Variants in LRCH3 observed in about 807,000 individuals in gnomAD.
LRCH3 encodes leucine rich repeats and calponin homology domain containing 3, also known as DISP complex protein LRCH3.
LRCH3 carries 68 observed loss-of-function variants against 104.5 expected under a neutral mutation model. The observed-to-expected ratio is 0.65, with a 90% CI of 0.54 to 0.80. LRCH3 has a LOEUF of 0.80. Ranked by LOEUF, LRCH3 falls within the 30% of genes least tolerant of loss-of-function variation. LRCH3 has a pLI of 0.00. For missense variants in LRCH3, 951 were observed against 953.9 expected, an observed-to-expected ratio of 1.00 and a Z score of 0.04; for synonymous variants, 344 against 361.3, an observed-to-expected ratio of 0.95 and a Z score of 0.54.
chr3:197,875,722 A>G lies in LRCH3; in HGVS notation c.2155A>G (p.Arg719Gly), dbSNP rs1336850800. The change falls in exon 20 of 21, where the codon AGG becomes GGG. Residue 719 changes from arginine (R) to glycine (G), a missense_variant. By Grantham distance (125) the Arg-to-Gly change is moderately radical (BLOSUM62 -2). Coordinates refer to ENST00000425562, the MANE Select transcript of LRCH3 (RefSeq NM_001365715.1). ...GCCTAAATTAACAATGGCGAAATGC[A>G]GGCGAAATGTGGAAAATTTCCTAGA... Reference protein sequence around the residue: ...AVPKLTMAKCRRNVENFLEAC... With the variant: ...AVPKLTMAKCGRNVENFLEAC... 1 of 1,534,654 alleles carries G rather than the reference A, an allele frequency of 6.5e-7. No individual in the cohort carries two copies. Among genetic ancestry groups the G allele is most frequent in the Non-Finnish European group, 8.7e-7 (1 of 1,146,616 alleles).
chr3:197,876,680 G>A (rs2109551893), intron 20 of LRCH3, among the ~76,000 whole-genome samples: 1 of 152,264 alleles, frequency 6.6e-6, no homozygotes, highest in Non-Finnish European at 1.5e-5. Context: ...AGCCTGCAAG[G>A]AGGAAAACAT....
At chr3:197,867,710 C>T (rs1711518463) in intron 17 of LRCH3, among the ~76,000 whole-genome samples, 1 of 151,932 alleles carries the variant, frequency 6.6e-6, no homozygotes, top group African/African-American at 2.4e-5. Context: ...AAAAAATTAG[C>T]CAGGCATGGT....
At chr3:197,838,166 T>C (rs1052265811) in intron 9 of LRCH3, among the ~76,000 whole-genome samples, 2 of 151,806 alleles carry the variant, frequency 1.3e-5, no homozygotes, top group Admixed American at 6.6e-5. Flanking sequence ...CTTCCTGTAG[T>C]CTCAGCCACT....
At position 197,846,397 on chromosome 3, in the gene LRCH3, A is replaced by C. The variant is rs896727535; in HGVS notation, c.1329-1012A>C. On this transcript the variant is annotated intron_variant, in intron 10 of 20. Coordinates refer to ENST00000425562, the MANE Select transcript of LRCH3 (RefSeq NM_001365715.1). ...CCACCTTGGGCCACAAAAAAAAAAA[A>C]AAACAAAAAAAAAACGGCTGGGCGC... Among the ~76,000 whole-genome samples the C allele has an allele frequency of 1.7e-4, 26 of 149,706 alleles. No individual in the cohort carries two copies. The South Asian group carries it at 2.1e-3, about 12-fold the overall frequency.
chr3:197,802,999 T>C (rs1338425318), intron 1 of LRCH3, among the ~76,000 whole-genome samples: 2 of 152,188 alleles, frequency 1.3e-5, no homozygotes, highest in South Asian at 2.1e-4. Flanking sequence ...TTCAGAACTT[T>C]TAAAATTGGT....
chr3:197,830,835 G>A lies in LRCH3; in HGVS notation c.953G>A (p.Ser318Asn), dbSNP rs1307614506. 1.2e-6 allele frequency: 2 copies of A among 1,613,930 alleles called. No individual in the cohort carries two copies. Among genetic ancestry groups the A allele is most frequent in the Non-Finnish European group, 1.7e-6 (2 of 1,179,938 alleles). Reference sequence around the variant, plus strand: ...GATTCAGGCTTCAATAGTGTGGACAGTGGTGATAAGAGATGGTCAGGGAAT... The same window carrying A: ...GATTCAGGCTTCAATAGTGTGGACAATGGTGATAAGAGATGGTCAGGGAAT... ...ALDSGFNSVD[S>N]GDKRWSGNEP... The change falls in exon 7 of 21, where the codon AGT becomes AAT. Residue 318 changes from serine (S) to asparagine (N), a missense_variant. Transcript: ENST00000425562.
chr3:197,820,662 A>T (rs866591386), intron 4 of LRCH3, among the ~76,000 whole-genome samples: 47 of 152,334 alleles, frequency 3.1e-4, no homozygotes, highest in African/African-American at 9.1e-4. Flanking sequence ...TTAACAAATT[A>T]GCCCAGGGGG....
At chr3:197,797,327 C>CA (rs3085302) in intron 1 of LRCH3, among the ~76,000 whole-genome samples, 2,717 of 71,486 alleles carry the variant, frequency 0.038, 238 homozygotes, top group African/African-American at 0.1. Flanking sequence ...AACTCCATCT[C>CA]AAAAAAAAAA....
intron 1 of LRCH3, among the ~76,000 whole-genome samples, chr3:197,801,337 A>G (rs1310014384): frequency 6.6e-6 from 1 of 152,136 alleles, no homozygotes. Context: ...TAGGAAAGGG[A>G]GCTTTGGGTT....
intron 13 of LRCH3, 91 bp downstream of exon 13, chr3:197,852,711 C>A: frequency 1.6e-6 from 2 of 1,280,762 alleles, no homozygotes; most frequent in Non-Finnish European, 2.3e-6. Context: ...TTTCAGTGCT[C>A]GGAATATTGC....
chr3:197,827,472 C>T (rs543718040), intron 5 of LRCH3, among the ~76,000 whole-genome samples: 70 of 152,272 alleles, frequency 4.6e-4, no homozygotes, highest in African/African-American at 1.5e-3. Context: ...GTGGAAGCAT[C>T]GCATGGACTT....
intron 20 of LRCH3, among the ~76,000 whole-genome samples, chr3:197,880,161 G>A (rs577211716): frequency 1.2e-3 from 184 of 151,816 alleles, no homozygotes; most frequent in African/African-American, 4.3e-3. Context: ...TAGCCGGGAT[G>A]GTCTCGATCT....
intron 4 of LRCH3, 84 bp downstream of exon 4, chr3:197,820,514 T>A: frequency 1.1e-6 from 1 of 940,904 alleles, no homozygotes; most frequent in Non-Finnish European, 1.7e-6. Flanking sequence ...CAAAAATGTA[T>A]AAGGGTTACA....
rs199677052 is a variant in LRCH3, at chr3:197,804,897, T to TTA, written c.263-10011_263-10010insTA. ...TCGATTATCCACTCCTTTTTTTTTT[T>TTA]CTTTTTTATTTTTTTGAGACAGAGT... is the stretch of plus-strand genomic sequence containing the variant. On this transcript the variant is annotated intron_variant, in intron 1 of 20. Transcript: ENST00000425562. Among the ~76,000 whole-genome samples, 1,234 of 152,154 alleles carry TTA rather than the reference T, an allele frequency of 8.1e-3. 14 individuals are homozygous for TTA. The highest frequency in any genetic ancestry group is 0.028 in the African/African-American group (1,162 of 41,480).
At chr3:197,880,703 C>T (rs1242588552) in intron 20 of LRCH3, 2 of 1,536,596 alleles carry the variant, frequency 1.3e-6, no homozygotes, top group East Asian at 2.4e-5. Flanking sequence ...ACTGGCTCTT[C>T]CCCGCTCGCT....
chr3:197,867,810 G>T (rs899057640), intron 17 of LRCH3, among the ~76,000 whole-genome samples: 16 of 152,176 alleles, frequency 1.1e-4, no homozygotes, highest in African/African-American at 3.6e-4. Flanking sequence ...AGCCGAGATC[G>T]CACCACCGCA....
intron 15 of LRCH3, among the ~76,000 whole-genome samples, chr3:197,862,397 T>C (rs1560590657): frequency 1.3e-5 from 2 of 151,706 alleles, no homozygotes; most frequent in African/African-American, 2.4e-5. Context: ...CTCCTTTTAT[T>C]CCTTAATACT....
In LRCH3 at chr3:197,791,461, G is replaced by A; in HGVS notation, c.183G>A (p.Val61=). 1 of 1,600,634 alleles carries A rather than the reference G, an allele frequency of 6.2e-7. No individual in the cohort carries two copies. The highest frequency in any genetic ancestry group is 1.1e-5 in the South Asian group (1 of 89,200). Residue 61 remains valine (V), a synonymous_variant, in exon 1 of 21, where the codon GTG becomes GTA. Transcript: ENST00000425562. ...RALEEAAVTG[V]LSLSGRKLRE... ...TGGAGGAGGCGGCGGTCACTGGGGT[G>A]CTGAGCCTGAGCGGCCGGAAACTGA...
At chr3:197,864,719 TTTTTTTTC>T in intron 15 of LRCH3, among the ~76,000 whole-genome samples, 1 of 149,198 alleles carries the variant, frequency 6.7e-6, no homozygotes, top group African/African-American at 2.5e-5. Flanking sequence ...CTTTTTTTTT[TTTTTTTTC>T]CAAAGGGGGT....
Sources: gnomAD v4.1 joint callset for allele counts (sites outside exome capture counted in the v4.1 genomes callset) on GRCh38, gnomAD v4.1.1 for gene constraint, MANE v1.5 for transcripts, NCBI Gene and HGNC (gene_info 2026-07-23, HGNC 2026-07-21) for gene names.